Variants in SPATA6 observed in about 807,000 individuals in gnomAD.
The protein encoded by SPATA6 is spermatogenesis-associated protein 6.
In SPATA6, 56 loss-of-function variants were observed where a neutral mutation model predicts 65.3. That is an observed-to-expected ratio of 0.86 (90% CI 0.69 to 1.07). The LOEUF is 1.07. Among genes scored for constraint, SPATA6 ranks in the 50% least tolerant of loss-of-function variants. The pLI is 0.00. For synonymous variants in SPATA6, 199 were observed against 213.2 expected (o/e 0.93, Z 0.58); for missense variants, 590 against 594.8 (o/e 0.99, Z 0.08).
At chr1:48,401,167 C>A (rs2147937935) in intron 6 of SPATA6, among the ~76,000 whole-genome samples, 1 of 152,140 alleles carries the variant, frequency 6.6e-6, no homozygotes, top group South Asian at 2.1e-4. Context: ...TTGCCCTTCT[C>A]ATCTCCTCAG....
chr1:48,350,980 G>A (rs1376472613), intron 11 of SPATA6, among the ~76,000 whole-genome samples: 10 of 151,806 alleles, frequency 6.6e-5, no homozygotes, highest in African/African-American at 2.2e-4. Context: ...GAATCCTCCT[G>A]TCCATGAACA....
the SPATA6 span, among the ~76,000 whole-genome samples, chr1:48,276,742 T>C: frequency 7.9e-4 from 121 of 152,348 alleles, 1 homozygote; most frequent in African/African-American, 2.9e-3. Flanking sequence ...AGGAGTGTTT[T>C]ACTTCCAATT....
the SPATA6 span, among the ~76,000 whole-genome samples, chr1:48,270,577 TA>T: frequency 6.6e-6 from 1 of 152,034 alleles, no homozygotes; most frequent in Non-Finnish European, 1.5e-5. Context: ...AGATTACACA[TA>T]CCTACCCCCT....
intron 3 of SPATA6, chr1:48,436,558 G>A: frequency 6.2e-7 from 1 of 1,612,546 alleles, no homozygotes; most frequent in African/African-American, 1.3e-5. Flanking sequence ...TGATGGCCTA[G>A]TGACCCTCTC....
chr1:48,310,907 G>A (rs1645190045), intron 11 of SPATA6, among the ~76,000 whole-genome samples: 1 of 151,978 alleles, frequency 6.6e-6, no homozygotes, highest in Non-Finnish European at 1.5e-5. Context: ...TGAAATTAGA[G>A]AATAATAGCA....
chr1:48,432,150 C>G (rs1654464076), intron 3 of SPATA6, among the ~76,000 whole-genome samples: 1 of 151,922 alleles, frequency 6.6e-6, no homozygotes, highest in African/African-American at 2.4e-5. Flanking sequence ...CTCAAATCAA[C>G]AAACTAACTT....
chr1:48,340,194 C>T (rs942411276), intron 11 of SPATA6, among the ~76,000 whole-genome samples: 2 of 97,580 alleles, frequency 2.0e-5, no homozygotes, highest in African/African-American at 9.3e-5. Flanking sequence ...TTAGTAGATA[C>T]TAAAGACAAT....
chr1:48,385,417 T>C, intron 8 of SPATA6, 68 bp from the exon 9 acceptor site: 1 of 1,345,440 alleles, frequency 7.4e-7, no homozygotes, highest in South Asian at 1.3e-5. Context: ...AATACTATCA[T>C]TGTTTCTACA....
the SPATA6 span, among the ~76,000 whole-genome samples, chr1:48,265,922 A>G: frequency 6.6e-6 from 1 of 152,232 alleles, no homozygotes; most frequent in African/African-American, 2.4e-5. Flanking sequence ...CTAGTTCTGA[A>G]TCCTACACCT....
At chr1:48,442,017 G>C (rs372215053) in intron 3 of SPATA6, among the ~76,000 whole-genome samples, 50 of 152,310 alleles carry the variant, frequency 3.3e-4, no homozygotes, top group African/African-American at 1.2e-3. Flanking sequence ...AATCGAGCAT[G>C]ACTGCCAACA....
intron 5 of SPATA6, among the ~76,000 whole-genome samples, chr1:48,405,568 G>T (rs1444008035): frequency 6.6e-6 from 1 of 152,086 alleles, no homozygotes; most frequent in African/African-American, 2.4e-5. Context: ...TCTAGCTTTT[G>T]GCAAGAACAT....
downstream of SPATA6, among the ~76,000 whole-genome samples, chr1:48,292,408 A>G (rs1233348851): frequency 6.6e-6 from 1 of 152,220 alleles, no homozygotes; most frequent in Non-Finnish European, 1.5e-5. Flanking sequence ...TGTGGTGCCC[A>G]TGAGGGCTGC....
chr1:48,311,607 T>C (rs1020808718), intron 11 of SPATA6, among the ~76,000 whole-genome samples: 4 of 152,126 alleles, frequency 2.6e-5, no homozygotes, highest in Admixed American at 1.3e-4. Flanking sequence ...GATAGCTGAA[T>C]AGGAACACCT....
the SPATA6 span, among the ~76,000 whole-genome samples, chr1:48,265,111 T>C: frequency 6.6e-6 from 1 of 152,204 alleles, no homozygotes; most frequent in Non-Finnish European, 1.5e-5. Flanking sequence ...GTTAAGGAAG[T>C]GGTTGCTTCC....
intron 3 of SPATA6, among the ~76,000 whole-genome samples, chr1:48,449,108 G>T (rs886326499): frequency 1.3e-5 from 2 of 152,078 alleles, no homozygotes; most frequent in African/African-American, 4.8e-5. Context: ...CTTTCTTCTA[G>T]GAACTATATT....
intron 9 of SPATA6, among the ~76,000 whole-genome samples, chr1:48,370,399 T>G (rs1320982554): frequency 1.3e-5 from 2 of 152,176 alleles, no homozygotes; most frequent in African/African-American, 2.4e-5. Context: ...TAGATATGGG[T>G]AACTGAAATC....
At chr1:48,363,401 A>G (rs1570303881) in intron 9 of SPATA6, among the ~76,000 whole-genome samples, 1 of 152,220 alleles carries the variant, frequency 6.6e-6, no homozygotes, top group African/African-American at 2.4e-5. Context: ...TTAAGTTCAA[A>G]TCCCTGCTGT....
chr1:48,464,917 G>A (rs12127509), intron 1 of SPATA6, among the ~76,000 whole-genome samples: 2,107 of 151,860 alleles, frequency 0.014, 28 homozygotes, highest in South Asian at 0.025. Flanking sequence ...AATCAATAAC[G>A]CAATAAATAT....
chr1:48,357,208 C>T (rs761512309), intron 10 of SPATA6, among the ~76,000 whole-genome samples: 1 of 152,024 alleles, frequency 6.6e-6, no homozygotes. Context: ...ATTTCTTGGT[C>T]TAATTTGAGT....
Sources: gnomAD v4.1 joint callset for allele counts (sites outside exome capture counted in the v4.1 genomes callset) on GRCh38, gnomAD v4.1.1 for gene constraint, MANE v1.5 for transcripts, NCBI Gene and HGNC (gene_info 2026-07-23, HGNC 2026-07-21) for gene names.